The following ARHGEF6 variants were observed in gnomAD, a reference collection of about 807,000 sequenced individuals.
ARHGEF6 encodes Rac/Cdc42 guanine nucleotide exchange factor 6, also known as rho guanine nucleotide exchange factor 6.
In ARHGEF6, 9 loss-of-function variants were observed where a neutral mutation model predicts 70.3. That is an observed-to-expected ratio of 0.13 (90% CI 0.08 to 0.22). The LOEUF (loss-of-function observed/expected upper bound fraction) is 0.22. ARHGEF6 is among the 10% of genes least tolerant of loss of function. The probability of loss-of-function intolerance (pLI) is 1.00; values close to 1 mark genes in which losing one functional copy is unlikely to be tolerated. For synonymous variants in ARHGEF6, 201 were observed against 207.8 expected, an observed-to-expected ratio of 0.97 and a Z score of 0.28; for missense variants, 470 against 563.0, an observed-to-expected ratio of 0.83 and a Z score of 1.67.
intron 2 of ARHGEF6, among the ~76,000 whole-genome samples, chrX:136,759,754 G>T (rs1330076331): frequency 2.7e-5 from 3 of 111,747 alleles, no homozygotes; most frequent in African/African-American, 9.8e-5. Context: ...GCAAACTGCT[G>T]CATTTTATCT....
Position 136,690,549 on chromosome X carries a change from G to A in ARHGEF6, c.1185+61C>T, listed in dbSNP as rs139929667. 879 of 1,191,208 alleles carry A rather than the reference G, an allele frequency of 7.4e-4. 6 individuals carry two copies. In the African/African-American group the frequency reaches 0.013, roughly 18 times the overall value. On this transcript the variant is annotated intron_variant, in intron 10 of 21. Transcript: ENST00000250617. ...GCCATTTTGGAGGCAAATTGGCTGCGTCCTCCAGAGCACAGGACCATACTT... is the reference window on the plus strand; with the variant it reads ...GCCATTTTGGAGGCAAATTGGCTGCATCCTCCAGAGCACAGGACCATACTT...
At chrX:136,696,290 C>T (rs1432613745) in intron 9 of ARHGEF6, among the ~76,000 whole-genome samples, 2 of 111,381 alleles carry the variant, frequency 1.8e-5, no homozygotes, top group Non-Finnish European at 3.8e-5. Flanking sequence ...ATTGGATGCA[C>T]TACTCAGTTA....
At chrX:136,770,458 C>T (rs892259188) in intron 2 of ARHGEF6, among the ~76,000 whole-genome samples, 2 of 112,176 alleles carry the variant, frequency 1.8e-5, no homozygotes, top group African/African-American at 3.2e-5. Context: ...CATCTAACAT[C>T]GTACTCAATG....
chrX:136,731,518 A>T (rs1020553651), intron 6 of ARHGEF6, among the ~76,000 whole-genome samples: 2 of 111,832 alleles, frequency 1.8e-5, no homozygotes, highest in Admixed American at 1.9e-4. Flanking sequence ...GAATGATGCG[A>T]TTTCTTTTTC....
At chrX:136,777,102 G>A (rs751132336) in intron 2 of ARHGEF6, among the ~76,000 whole-genome samples, 2 of 110,748 alleles carry the variant, frequency 1.8e-5, no homozygotes, top group African/African-American at 6.5e-5. Context: ...GCGGGCGCCT[G>A]TATTCCCAGC....
intron 17 of ARHGEF6, among the ~76,000 whole-genome samples, chrX:136,677,047 G>GT (rs1213142114): frequency 8.9e-6 from 1 of 112,207 alleles, no homozygotes; most frequent in East Asian, 2.8e-4. Flanking sequence ...CCCTAAAAAC[G>GT]TAACAGTATT....
At chrX:136,679,069 C>T (rs2076307047) in intron 16 of ARHGEF6, among the ~76,000 whole-genome samples, 1 of 112,032 alleles carries the variant, frequency 8.9e-6, no homozygotes, top group Non-Finnish European at 1.9e-5. Flanking sequence ...TTTCTCATTC[C>T]AATTGCAGCA....
Position 136,690,604 on chromosome X carries a change from C to T in ARHGEF6, c.1185+6G>A. 8.3e-7 allele frequency: 1 copy of T among 1,210,746 alleles called. No homozygotes were observed. The highest frequency in any genetic ancestry group is 1.7e-5 in the African/African-American group (1 of 57,568). On this transcript the variant is annotated splice_donor_region_variant and intron_variant, in intron 10 of 21. Coordinates refer to ENST00000250617, the MANE Select transcript of ARHGEF6 (RefSeq NM_004840.3). ...CACGAGCTTGAAAAAGTTCACCTTC[C>T]CTTACCTCCATATGCCGTTCTAACT...
chrX:136,675,361 G>T (rs1798021596), intron 18 of ARHGEF6, among the ~76,000 whole-genome samples: 1 of 109,386 alleles, frequency 9.1e-6, no homozygotes, highest in Non-Finnish European at 1.9e-5. Context: ...GGGGGGGGCG[G>T]TGTTTTGTCA....
In ARHGEF6 at chrX:136,732,313, A is replaced by G. The variant is rs914584048; in HGVS notation, c.662-141T>C. On this transcript the variant is annotated intron_variant, in intron 5 of 21. Coordinates refer to ENST00000250617, the MANE Select transcript of ARHGEF6 (RefSeq NM_004840.3). ...TACATTCCTAAACAAATGAAACTACAACTGTGCTAAACTATAGATGGTCAA... is the reference window on the plus strand; with the variant it reads ...TACATTCCTAAACAAATGAAACTACGACTGTGCTAAACTATAGATGGTCAA... The G allele has an allele frequency of 1.4e-5, 7 of 500,516 alleles. No individual in the cohort carries two copies. In the African/African-American group the frequency reaches 1.7e-4, roughly 12 times the overall value. The allele number at this position is 500,516 out of a possible 1,213,427, so 41.2% of individuals were successfully genotyped here.
intron 9 of ARHGEF6, among the ~76,000 whole-genome samples, chrX:136,705,031 T>C (rs761125415): frequency 9.0e-6 from 1 of 111,686 alleles, no homozygotes; most frequent in African/African-American, 3.3e-5. Context: ...TGTTGTTGTT[T>C]TGTTTTTGTT....
At chrX:136,668,457 G>T (rs955067859) in intron 21 of ARHGEF6, among the ~76,000 whole-genome samples, 4 of 110,288 alleles carry the variant, frequency 3.6e-5, no homozygotes, top group African/African-American at 9.9e-5. Flanking sequence ...AATATCTCTG[G>T]TACTGACCTT....
At chrX:136,773,187 C>A (rs2077376177) in intron 2 of ARHGEF6, among the ~76,000 whole-genome samples, 1 of 111,694 alleles carries the variant, frequency 9.0e-6, no homozygotes, top group East Asian at 2.8e-4. Context: ...CATTTCCAAG[C>A]TGACAATTTC....
intron 10 of ARHGEF6, 120 bp from the exon 11 acceptor site, chrX:136,688,111 G>A: frequency 1.8e-6 from 1 of 543,605 alleles, no homozygotes; most frequent in Non-Finnish European, 3.3e-6. Context: ...GGGGATGATG[G>A]AACTGTTCTG....
chrX:136,767,838 GAGCAGCAGCAGCAGC>G (rs57856447), intron 2 of ARHGEF6: 51 of 658,337 alleles, frequency 7.7e-5, no homozygotes, highest in Admixed American at 4.6e-4. Context: ...GGCGCAGGCA[GAGCAGCAGCAGCAGC>G]AGCAGCAGCA....
At chrX:136,709,316 A>T (rs1186283114) in intron 7 of ARHGEF6, among the ~76,000 whole-genome samples, 1 of 112,092 alleles carries the variant, frequency 8.9e-6, no homozygotes, top group Admixed American at 9.4e-5. Context: ...GGCAAACTGA[A>T]CCACTTTATC....
intron 21 of ARHGEF6, among the ~76,000 whole-genome samples, chrX:136,668,541 T>C (rs941193430): frequency 1.9e-5 from 2 of 105,853 alleles, no homozygotes; most frequent in African/African-American, 7.0e-5. Flanking sequence ...TTCTTATTAT[T>C]ATTATTATTA....
At chrX:136,710,063 TG>T (rs1220727661) in intron 7 of ARHGEF6, among the ~76,000 whole-genome samples, 1 of 110,157 alleles carries the variant, frequency 9.1e-6, no homozygotes, top group African/African-American at 3.3e-5. Context: ...CCCAGCACTT[TG>T]GGAGGCTAAG....
chrX:136,752,541 T>C (rs2077163233), intron 2 of ARHGEF6, among the ~76,000 whole-genome samples: 1 of 112,094 alleles, frequency 8.9e-6, no homozygotes, highest in Non-Finnish European at 1.9e-5. Context: ...GTCACAGCAG[T>C]CTAGCCACAT....
Sources: gnomAD v4.1 joint callset for allele counts (sites outside exome capture counted in the v4.1 genomes callset) on GRCh38, gnomAD v4.1.1 for gene constraint, MANE v1.5 for transcripts, NCBI Gene and HGNC (gene_info 2026-07-23, HGNC 2026-07-21) for gene names.